ABCB11: variants seen among roughly 807,000 people sequenced by gnomAD.
ABCB11 encodes bile salt export pump.
Under a neutral mutation model 148.0 loss-of-function variants are expected in ABCB11, and 95 were observed. That is an observed-to-expected ratio of 0.64 (90% CI 0.54 to 0.76). The LOEUF (loss-of-function observed/expected upper bound fraction) is 0.76. ABCB11 is among the 30% of genes least tolerant of loss of function. ABCB11 has a pLI of 0.00. For missense variants in ABCB11, 1,523 were observed against 1,617.8 expected (o/e 0.94, Z 1.01); for synonymous variants, 591 against 555.4 (o/e 1.06, Z -0.90).
chr2:168,939,725 C>G lies in ABCB11; in HGVS notation c.2611-3292G>C, dbSNP rs185934044. Among the ~76,000 whole-genome samples the G allele has an allele frequency of 7.7e-3, 1,174 of 151,920 alleles. 33 individuals carry two copies. Among genetic ancestry groups the G allele is most frequent in the Admixed American group, 0.018 (275 of 15,252 alleles). ...AAAATGATCTTTTTTGCATTTTTTG[C>G]TTAGCAGATATTGTGATTTTTACTA... On this transcript the variant is annotated intron_variant, in intron 21 of 27. Coordinates refer to ENST00000650372, the MANE Select transcript of ABCB11 (RefSeq NM_003742.4).
intron 18 of ABCB11, among the ~76,000 whole-genome samples, chr2:168,958,519 G>A (rs559959766): frequency 2.0e-5 from 3 of 151,732 alleles, no homozygotes; most frequent in Admixed American, 6.6e-5. Flanking sequence ...TAAAATAAAT[G>A]TCAAGGTTCT....
chr2:168,993,304 GC>G (rs950611233), intron 8 of ABCB11, among the ~76,000 whole-genome samples: 2 of 151,954 alleles, frequency 1.3e-5, no homozygotes, highest in Non-Finnish European at 2.9e-5. Flanking sequence ...TGGAGTCAGA[GC>G]CCCTTAGACT....
intron 19 of ABCB11, among the ~76,000 whole-genome samples, chr2:168,948,959 A>G (rs537211938): frequency 6.6e-6 from 1 of 151,734 alleles, no homozygotes; most frequent in Non-Finnish European, 1.5e-5. Context: ...TGTGAGAGAA[A>G]GAAATGGAGT....
chr2:169,012,508 G>A (rs1334512125), intron 5 of ABCB11, among the ~76,000 whole-genome samples: 2 of 152,056 alleles, frequency 1.3e-5, no homozygotes, highest in African/African-American at 4.8e-5. Flanking sequence ...ACTTTGGGAG[G>A]CTGAGGCAGG....
At chr2:168,970,646 A>T in intron 14 of ABCB11, 1 of 298,768 alleles carries the variant, frequency 3.3e-6, no homozygotes. Flanking sequence ...CTTTATAAGG[A>T]TTATCATTGA....
At chr2:168,932,048 G>A (rs1176506519) in intron 24 of ABCB11, among the ~76,000 whole-genome samples, 2 of 152,048 alleles carry the variant, frequency 1.3e-5, no homozygotes, top group South Asian at 4.2e-4. Flanking sequence ...GGGTAGATGT[G>A]TAGAATGTGC....
downstream of ABCB11, among the ~76,000 whole-genome samples, chr2:168,919,116 C>T (rs141805808): frequency 1.0e-3 from 155 of 152,172 alleles, no homozygotes; most frequent in Non-Finnish European, 1.6e-3. Context: ...TTACCCATGT[C>T]CTATCCCATC....
At chr2:169,007,401 A>T (rs1400870252) in intron 5 of ABCB11, among the ~76,000 whole-genome samples, 1 of 152,184 alleles carries the variant, frequency 6.6e-6, no homozygotes, top group African/African-American at 2.4e-5. Flanking sequence ...ACACTGCTAT[A>T]AAGAAATACC....
chr2:168,994,757 A>G (rs1331396102), intron 7 of ABCB11, among the ~76,000 whole-genome samples: 2 of 152,052 alleles, frequency 1.3e-5, no homozygotes. Context: ...TCTCTTGTCC[A>G]GTTGGAGTGA....
chr2:168,916,947 T>G (rs1690952038), downstream of ABCB11, among the ~76,000 whole-genome samples: 1 of 152,196 alleles, frequency 6.6e-6, no homozygotes, highest in Non-Finnish European at 1.5e-5. Flanking sequence ...GATATTTTCT[T>G]ACGATAAGAA....
chr2:168,996,001 C>G (rs1694703248), intron 6 of ABCB11, among the ~76,000 whole-genome samples: 1 of 87,518 alleles, frequency 1.1e-5, no homozygotes, highest in Non-Finnish European at 2.5e-5. Flanking sequence ...AAAAAAAAAG[C>G]CTGTCATTAA....
At chr2:168,986,011 TCCTGAAGGCA>T (rs1210267820) in intron 10 of ABCB11, 89 bp downstream of exon 10, 2 of 997,406 alleles carry the variant, frequency 2.0e-6, no homozygotes, top group Non-Finnish European at 2.7e-6. Context: ...GATGCTTTTT[TCCTGAAGGCA>T]CCAAAGTAAT....
chr2:168,976,796 A>G (rs878977209), intron 11 of ABCB11, 109 bp from the exon 12 acceptor site: 3 of 655,300 alleles, frequency 4.6e-6, no homozygotes, highest in East Asian at 5.7e-5. Context: ...GCAATGTTTT[A>G]TCTGGTTGTT....
At position 169,018,109 on chromosome 2, in the gene ABCB11, A is replaced by G; in HGVS notation, c.17T>C (p.Ile6Thr). 1.1e-5 allele frequency: 18 copies of G among 1,613,666 alleles called. No individual in the cohort carries two copies. The highest frequency in any genetic ancestry group is 1.5e-5 in the Non-Finnish European group (18 of 1,179,700). ...TCCAAATTTCTTTATACTTCGAAGA[A>G]TTACTGAGTCAGACATGGTAATTGC... MSDSV[I>T]LRSIKKFGEE... Residue 6 changes from isoleucine (I) to threonine (T), a missense_variant, in exon 2 of 28, where the codon ATT becomes ACT. Ile to Thr is a moderately conservative substitution (Grantham distance 89). Transcript: ENST00000650372.
Position 168,944,851 on chromosome 2 carries a change from T to G in ABCB11, c.2448+6A>C. 1 of 1,597,674 alleles carries G rather than the reference T, an allele frequency of 6.3e-7. No individual in the cohort carries two copies. Among genetic ancestry groups the G allele is most frequent in the Non-Finnish European group, 8.5e-7 (1 of 1,171,282 alleles). The stretch of plus-strand genomic sequence containing the variant: ...AAATCACTTACTGAAAAATAACATT[T>G]CTTACCTGTAGAAATTGGGTGAAAA... On this transcript the variant is annotated splice_donor_region_variant and intron_variant, in intron 20 of 27. Transcript: ENST00000650372.
intron 5 of ABCB11, among the ~76,000 whole-genome samples, chr2:169,007,259 G>A (rs1239943162): frequency 6.6e-6 from 1 of 152,102 alleles, no homozygotes; most frequent in Non-Finnish European, 1.5e-5. Context: ...GGAAAAAATA[G>A]TTGTTCCACA....
chr2:168,962,996 C>T (rs942637086), intron 18 of ABCB11, among the ~76,000 whole-genome samples: 21 of 151,656 alleles, frequency 1.4e-4, no homozygotes, highest in African/African-American at 4.8e-4. Context: ...CCAATCACTC[C>T]CTTGTCATTT....
At position 168,990,673 on chromosome 2, in the gene ABCB11, T is replaced by G. The variant is rs1005453835; in HGVS notation, c.908+128A>C. ...ACCTAAATTACTCTGCTTAGCTCCC[T>G]CTTGAACAAGTACTTCCTCTGGAGG... On this transcript the variant is annotated intron_variant, in intron 9 of 27. Coordinates refer to ENST00000650372, the MANE Select transcript of ABCB11 (RefSeq NM_003742.4). The G allele has an allele frequency of 5.0e-6, 6 of 1,189,890 alleles. No homozygotes were observed. In the African/African-American group the frequency reaches 7.6e-5, roughly 15 times the overall value. The allele number at this position is 1,189,890 out of a possible 1,614,324, so 73.7% of individuals were successfully genotyped here. A position where few individuals can be genotyped will look rare whatever the true frequency, so the allele number is the denominator to read the frequency against.
At chr2:168,961,282 T>A (rs1693062895) in intron 18 of ABCB11, among the ~76,000 whole-genome samples, 1 of 151,780 alleles carries the variant, frequency 6.6e-6, no homozygotes. Context: ...AAATCTTAGG[T>A]CTTGCTTTCT....
Sources: allele counts gnomAD v4.1 joint callset (sites outside exome capture counted in the v4.1 genomes callset), GRCh38; gene constraint gnomAD v4.1.1; transcripts MANE v1.5; gene names NCBI Gene and HGNC (gene_info 2026-07-23, HGNC 2026-07-21).